The following SNURF variants were observed in gnomAD, a reference collection of about 807,000 sequenced individuals.
SNURF encodes SNURF protein.
A neutral mutation model predicts 11.6 loss-of-function variants in SNURF; 6 were observed. That is an observed-to-expected ratio of 0.52 (90% confidence interval 0.28 to 1.02). SNURF has a LOEUF of 1.02. Among genes scored for constraint, SNURF ranks in the 50% least tolerant of loss-of-function variants. The probability of loss-of-function intolerance (pLI) is 0.09; values close to 1 mark genes in which losing one functional copy is unlikely to be tolerated. For synonymous variants in SNURF, 29 were observed against 31.6 expected, an observed-to-expected ratio of 0.92 and a Z score of 0.27; for missense variants, 84 against 88.4, an observed-to-expected ratio of 0.95 and a Z score of 0.20.
intron 1 of SNURF, among the ~76,000 whole-genome samples, chr15:24,956,609 G>C (rs2153378245): frequency 6.6e-6 from 1 of 152,046 alleles, no homozygotes; most frequent in African/African-American, 2.4e-5. Context: ...GGGGAGCGAG[G>C]GCTTACGCAG....
In SNURF at chr15:24,968,160, T is replaced by C. The variant is rs2075920030; in HGVS notation, c.*123T>C. 3.5e-6 allele frequency: 3 copies of C among 855,956 alleles called. No individual in the cohort carries two copies. The African/African-American group carries it at 5.0e-5, about 14-fold the overall frequency. 53.0% of individuals were successfully genotyped at this position (855,956 alleles called of 1,614,324 possible). A position where few individuals can be genotyped will look rare whatever the true frequency, so the allele number is the denominator to read the frequency against. ...TGTTGGGGGTTCTCTTAATTATCAGTGACACATTAATTTTTTTCCTTAGAG... is the reference window on the plus strand; with the variant it reads ...TGTTGGGGGTTCTCTTAATTATCAGCGACACATTAATTTTTTTCCTTAGAG... On this transcript the variant is annotated 3_prime_UTR_variant, in exon 3 of 3. Transcript: ENST00000577949.
chr15:24,963,787 C>G (rs972070887), intron 2 of SNURF, among the ~76,000 whole-genome samples: 4 of 151,758 alleles, frequency 2.6e-5, no homozygotes, highest in African/African-American at 9.7e-5. Context: ...GCCTCTAATC[C>G]CAGCATGTTG....
At chr15:24,955,603 T>TGG (rs372025670) in intron 1 of SNURF, among the ~76,000 whole-genome samples, 1 of 87,464 alleles carries the variant, frequency 1.1e-5, no homozygotes, top group African/African-American at 4.6e-5. Context: ...GTGGGGCGAC[T>TGG]GGGGGGGGAA....
intron 1 of SNURF, among the ~76,000 whole-genome samples, chr15:24,960,226 C>T (rs975374343): frequency 6.6e-6 from 1 of 152,154 alleles, no homozygotes; most frequent in Admixed American, 6.5e-5. Context: ...ATGTTACTTT[C>T]ATGATTAACA....
At chr15:24,972,894 A>G (rs1410681631), downstream of SNURF, among the ~76,000 whole-genome samples, 3 of 147,942 alleles carry the variant, frequency 2.0e-5, no homozygotes, top group Admixed American at 6.8e-5. Flanking sequence ...CTTCCCCACC[A>G]CCCCCAACCC....
At chr15:24,959,552 G>A (rs2074427793) in intron 1 of SNURF, among the ~76,000 whole-genome samples, 1 of 152,200 alleles carries the variant, frequency 6.6e-6, no homozygotes, top group South Asian at 2.1e-4. Flanking sequence ...TTGAGCAACT[G>A]CCGAATGGGT....
downstream of SNURF, among the ~76,000 whole-genome samples, chr15:24,973,141 G>A (rs1208562856): frequency 2.0e-5 from 3 of 151,948 alleles, no homozygotes; most frequent in Admixed American, 1.3e-4. Flanking sequence ...CGCCCACCTC[G>A]GTTTCCCAAA....
downstream of SNURF, among the ~76,000 whole-genome samples, chr15:24,970,250 G>A (rs2076230289): frequency 6.6e-6 from 1 of 152,118 alleles, no homozygotes; most frequent in South Asian, 2.1e-4. Context: ...CATTAAAAAT[G>A]TAAGGCACAC....
chr15:24,977,121 C>A, intron 6 of SNURF: 2 of 986,702 alleles, frequency 2.0e-6, no homozygotes, highest in Admixed American at 3.3e-5. Flanking sequence ...ATGTGTCATA[C>A]AATGTAAACA....
At chr15:24,973,287 G>A (rs2076667467), downstream of SNURF, among the ~76,000 whole-genome samples, 5 of 152,212 alleles carry the variant, frequency 3.3e-5, no homozygotes, top group Admixed American at 2.6e-4. Flanking sequence ...TTGCCTAAGA[G>A]TATAGTAGAC....
At chr15:24,978,445 C>T, downstream of SNURF, 1 of 1,613,266 alleles carries the variant, frequency 6.2e-7, no homozygotes, top group South Asian at 1.1e-5. Context: ...AAGACCTTAG[C>T]ATACTGTTGA....
intron 4 of SNURF, chr15:24,976,238 T>A: frequency 4.2e-6 from 5 of 1,188,184 alleles, no homozygotes; most frequent in Non-Finnish European, 6.3e-6. Context: ...CTTGAGGTTG[T>A]ATAAATATTT....
At chr15:24,969,352 C>G (rs1297619292), downstream of SNURF, among the ~76,000 whole-genome samples, 1 of 151,560 alleles carries the variant, frequency 6.6e-6, no homozygotes, top group Non-Finnish European at 1.5e-5. Flanking sequence ...TGGTCTCAAA[C>G]TCCTGAACTC....
chr15:24,960,563 C>G (rs1418790664), intron 1 of SNURF, among the ~76,000 whole-genome samples: 2 of 152,102 alleles, frequency 1.3e-5, no homozygotes, highest in Non-Finnish European at 1.5e-5. Flanking sequence ...CTCAAGTGAT[C>G]GCTGGCCTCA....
chr15:24,957,322 T>C (rs1035989939), intron 1 of SNURF, among the ~76,000 whole-genome samples: 1 of 152,188 alleles, frequency 6.6e-6, no homozygotes, highest in Non-Finnish European at 1.5e-5. Context: ...AGTTTTGTGC[T>C]CAAAGAGAAT....
downstream of SNURF, among the ~76,000 whole-genome samples, chr15:24,970,511 A>G (rs1022831098): frequency 9.2e-5 from 14 of 152,146 alleles, no homozygotes; most frequent in Admixed American, 6.5e-4. Flanking sequence ...CCCTAGGGGC[A>G]GAGGTTGCAT....
intron 4 of SNURF, among the ~76,000 whole-genome samples, chr15:24,976,084 G>A (rs1351587819): frequency 1.3e-5 from 2 of 152,134 alleles, no homozygotes; most frequent in African/African-American, 4.8e-5. Flanking sequence ...TAACATCAAA[G>A]GAACATTCTG....
chr15:24,969,278 AC>A (rs1169180132), downstream of SNURF, among the ~76,000 whole-genome samples: 2 of 151,958 alleles, frequency 1.3e-5, no homozygotes, highest in African/African-American at 4.8e-5. Flanking sequence ...ATAGGCACCC[AC>A]CACCACACCT....
chr15:24,974,723 G>C (rs181328494), intron 3 of SNURF: 32 of 606,260 alleles, frequency 5.3e-5, no homozygotes, highest in Non-Finnish European at 4.1e-5. Context: ...AGAGATTCTC[G>C]TGCCTCAGCC....
Sources: allele counts gnomAD v4.1 joint callset (sites outside exome capture counted in the v4.1 genomes callset), GRCh38; gene constraint gnomAD v4.1.1; transcripts MANE v1.5; gene names NCBI Gene and HGNC (gene_info 2026-07-23, HGNC 2026-07-21).